ADAMTS2: variants seen among roughly 807,000 people sequenced by gnomAD.
The protein encoded by ADAMTS2 is A disintegrin and metalloproteinase with thrombospondin motifs 2.
In ADAMTS2, 50 loss-of-function variants were observed where a neutral mutation model predicts 123.0. The observed-to-expected ratio is 0.41, with a 90% confidence interval of 0.32 to 0.51. The LOEUF is 0.51. ADAMTS2 is among the 20% of genes least tolerant of loss of function. ADAMTS2 has a pLI of 0.35. For synonymous variants in ADAMTS2, 678 were observed against 695.4 expected, an observed-to-expected ratio of 0.98 and a Z score of 0.39; for missense variants, 1,494 against 1,705.2, an observed-to-expected ratio of 0.88 and a Z score of 2.18.
rs150047440 is a variant in ADAMTS2 at position 179,344,041 on chromosome 5, C to A, written c.260G>T (p.Arg87Leu). Residue 87 changes from arginine (R) to leucine (L), a missense_variant, in exon 2 of 22, where the codon CGC becomes CTC. Coordinates refer to ENST00000251582, the MANE Select transcript of ADAMTS2 (RefSeq NM_014244.5). ...AATSRAGVRA[R>L]RAAPVRTPSF... ...CGGGGTCCGGACCGGGGCGGCCCTG[C>A]GGGCTCGTACCCCTGCTCTGGACGT... is the stretch of plus-strand genomic sequence containing the variant. 292 of 1,612,278 alleles carry A rather than the reference C, an allele frequency of 1.8e-4. 1 individual carries two copies. The highest frequency in any genetic ancestry group is 2.3e-4 in the Non-Finnish European group (275 of 1,179,816).
At chr5:179,220,599 T>G (rs1765103046) in intron 3 of ADAMTS2, among the ~76,000 whole-genome samples, 1 of 151,812 alleles carries the variant, frequency 6.6e-6, no homozygotes, top group African/African-American at 2.4e-5. Flanking sequence ...AACCTGCCTC[T>G]CCCCCTCCCT....
intron 5 of ADAMTS2, among the ~76,000 whole-genome samples, chr5:179,169,159 G>A (rs1181379185): frequency 6.6e-6 from 1 of 152,174 alleles, no homozygotes; most frequent in Non-Finnish European, 1.5e-5. Context: ...TCTTTGAGAG[G>A]TCATTAGGTC....
intron 3 of ADAMTS2, among the ~76,000 whole-genome samples, chr5:179,252,187 T>C (rs1430530743): frequency 6.6e-6 from 1 of 151,988 alleles, no homozygotes; most frequent in Non-Finnish European, 1.5e-5. Flanking sequence ...TTTAGATTTT[T>C]TTGGTAGAGA....
chr5:179,155,545 G>A lies in ADAMTS2; in HGVS notation c.1133-626C>T, dbSNP rs945302170. On this transcript the variant is annotated intron_variant, in intron 6 of 21. Coordinates refer to ENST00000251582, the MANE Select transcript of ADAMTS2 (RefSeq NM_014244.5). This position sits in a 1 kb window ranked among gnomAD's most constrained non-coding sequence, Gnocchi z 5.1. ...CAGGGGGCTGGCTGGTGCGGACTGG[G>A]AGGTCAGAGCCGCCGTAGAAGATGA... is the stretch of plus-strand genomic sequence containing the variant. 4.6e-5 allele frequency among the ~76,000 whole-genome samples: 7 copies of A among 152,206 alleles called. No individual in the cohort carries two copies. Among genetic ancestry groups the A allele is most frequent in the African/African-American group, 1.7e-4 (7 of 41,464 alleles).
intron 2 of ADAMTS2, among the ~76,000 whole-genome samples, chr5:179,290,135 G>A (rs2113542172): frequency 6.6e-6 from 1 of 152,328 alleles, no homozygotes; most frequent in Middle Eastern, 3.4e-3. Flanking sequence ...GTTGGAAGGT[G>A]GGGCCTGGGG....
At chr5:179,294,514 A>C (rs1313686626) in intron 2 of ADAMTS2, among the ~76,000 whole-genome samples, 1 of 152,196 alleles carries the variant, frequency 6.6e-6, no homozygotes, top group Non-Finnish European at 1.5e-5. Flanking sequence ...CACCCATGCA[A>C]GTCTGACCCA....
At chr5:179,136,935 A>T (rs1470722315) in intron 12 of ADAMTS2, among the ~76,000 whole-genome samples, 1 of 151,756 alleles carries the variant, frequency 6.6e-6, no homozygotes, top group African/African-American at 2.4e-5. Flanking sequence ...ACGCCACTGC[A>T]CTCCAGCCTG....
chr5:179,175,247 T>C lies in ADAMTS2; in HGVS notation c.975+5825A>G, dbSNP rs909854881. 2.5e-4 allele frequency among the ~76,000 whole-genome samples: 38 copies of C among 152,008 alleles called. No homozygotes were observed. Among genetic ancestry groups the C allele is most frequent in the African/African-American group, 8.5e-4 (35 of 41,376 alleles). On this transcript the variant is annotated intron_variant, in intron 5 of 21. Coordinates refer to ENST00000251582, the MANE Select transcript of ADAMTS2 (RefSeq NM_014244.5). The surrounding 1 kb of genome is among the most constrained non-coding windows in gnomAD (Gnocchi z 4.1). The stretch of plus-strand genomic sequence containing the variant: ...TTGGGTTCCGCAGCTGTCTCAGCCA[T>C]GCTTGACCGTTCATGTTCCTTTGGA...
chr5:179,173,986 C>G (rs1219861582), intron 5 of ADAMTS2, among the ~76,000 whole-genome samples: 2 of 146,334 alleles, frequency 1.4e-5, no homozygotes, highest in Non-Finnish European at 3.0e-5. Flanking sequence ...GCACTCCAGC[C>G]TGGGCAACAG....
In ADAMTS2 at chr5:179,173,740, T is replaced by C. The variant is rs114209456; in HGVS notation, c.975+7332A>G. On this transcript the variant is annotated intron_variant, in intron 5 of 21. Coordinates refer to ENST00000251582, the MANE Select transcript of ADAMTS2 (RefSeq NM_014244.5). The stretch of plus-strand genomic sequence containing the variant: ...CATCAAGAACATTTTAAAGGCCAAA[T>C]GCGGTGGCTCGCGCCCCATAACCCC... 4.2e-3 allele frequency among the ~76,000 whole-genome samples: 639 copies of C among 152,226 alleles called. 3 individuals carry two copies. The highest frequency in any genetic ancestry group is 0.015 in the African/African-American group (603 of 41,548).
Position 179,307,123 on chromosome 5 carries a change from A to T in ADAMTS2, c.535-34059T>A, listed in dbSNP as rs1358700684. The stretch of plus-strand genomic sequence containing the variant: ...GGGAAGTCAGTGGCCAGCCAGCCTA[A>T]GCCCGGCCCAGACCCTCGCCCTGCT... On this transcript the variant is annotated intron_variant, in intron 2 of 21. Transcript: ENST00000251582. The surrounding 1 kb of genome is among the most constrained non-coding windows in gnomAD (Gnocchi z 5.6). Among the ~76,000 whole-genome samples the T allele has an allele frequency of 6.6e-6, 1 of 152,170 alleles. No individual in the cohort carries two copies. The highest frequency in any genetic ancestry group is 1.5e-5 in the Non-Finnish European group (1 of 68,018).
chr5:179,154,612 A>T (rs1293964459), intron 7 of ADAMTS2, among the ~76,000 whole-genome samples: 1 of 152,208 alleles, frequency 6.6e-6, no homozygotes, highest in Non-Finnish European at 1.5e-5. Context: ...TCTGCAGGCA[A>T]GCCCTTCCTC....
intron 3 of ADAMTS2, among the ~76,000 whole-genome samples, chr5:179,212,052 C>T (rs1764865618): frequency 6.6e-6 from 1 of 152,224 alleles, no homozygotes; most frequent in African/African-American, 2.4e-5. Flanking sequence ...CGGAGCCCTT[C>T]TGTACTTCAC....
rs1441774668 is a variant in ADAMTS2 at position 179,110,931 on chromosome 5, A to T, written c.*2936T>A. On this transcript the variant is annotated 3_prime_UTR_variant, in exon 22 of 22. Coordinates refer to ENST00000251582, the MANE Select transcript of ADAMTS2 (RefSeq NM_014244.5). ...TCAAATTTTACATTACAGAACAAAG[A>T]TGTATTGGTTGTTGTATCGGTAAGC... is the stretch of plus-strand genomic sequence containing the variant. 1 of 152,188 alleles carries T rather than the reference A, an allele frequency of 6.6e-6. No individual in the cohort carries two copies. The highest frequency in any genetic ancestry group is 2.4e-5 in the African/African-American group (1 of 41,440). The allele number at this position is 152,188 out of a possible 1,614,324, so 9.4% of individuals were successfully genotyped here.
intron 3 of ADAMTS2, among the ~76,000 whole-genome samples, chr5:179,238,387 G>T (rs575380797): frequency 6.6e-6 from 1 of 152,196 alleles, no homozygotes; most frequent in Admixed American, 6.5e-5. Flanking sequence ...GAGCGGCCAC[G>T]CTAGCAGAAG....
intron 2 of ADAMTS2, among the ~76,000 whole-genome samples, chr5:179,342,386 A>C (rs1757802401): frequency 6.6e-6 from 1 of 152,204 alleles, no homozygotes; most frequent in Non-Finnish European, 1.5e-5. Flanking sequence ...GGCGATGTCA[A>C]GGGCTCACCA....
rs1382261989 is a variant in ADAMTS2 at position 179,158,240 on chromosome 5, C to T, written c.1132+483G>A. Among the ~76,000 whole-genome samples, 1 of 152,192 alleles carries T rather than the reference C, an allele frequency of 6.6e-6. No individual in the cohort carries two copies. Among genetic ancestry groups the T allele is most frequent in the Non-Finnish European group, 1.5e-5 (1 of 68,030 alleles). ...TCCGACTCCCAAAGTGCTGGGATTA[C>T]AGGTGTGAACCACCGCGCCCGGCCT... On this transcript the variant is annotated intron_variant, in intron 6 of 21. Coordinates refer to ENST00000251582, the MANE Select transcript of ADAMTS2 (RefSeq NM_014244.5). This position sits in a 1 kb window ranked among gnomAD's most constrained non-coding sequence, Gnocchi z 5.0.
At chr5:179,139,171 C>T (rs1763117535) in intron 11 of ADAMTS2, among the ~76,000 whole-genome samples, 1 of 152,062 alleles carries the variant, frequency 6.6e-6, no homozygotes, top group Admixed American at 6.5e-5. Flanking sequence ...GGAGGGTTCT[C>T]CCTCCATGCC....
At chr5:179,138,434 CAAGT>C (rs1440972833) in intron 11 of ADAMTS2, among the ~76,000 whole-genome samples, 2 of 152,228 alleles carry the variant, frequency 1.3e-5, no homozygotes, top group Admixed American at 1.3e-4. Flanking sequence ...CAGTTCTCAG[CAAGT>C]GTCTTGGCAC....
Sources: gnomAD v4.1 joint callset for allele counts (sites outside exome capture counted in the v4.1 genomes callset) on GRCh38, gnomAD v4.1.1 for gene constraint, Gnocchi (gnomAD v3.1) non-coding constraint, MANE v1.5 for transcripts, NCBI Gene and HGNC (gene_info 2026-07-23, HGNC 2026-07-21) for gene names.